Variants in ST6GAL1 observed in about 807,000 individuals in gnomAD.
ST6GAL1 encodes beta-galactoside alpha-2,6-sialyltransferase 1.
ST6GAL1 carries 20 observed loss-of-function variants against 38.0 expected under a neutral mutation model. The observed-to-expected ratio is 0.53, with a 90% CI of 0.37 to 0.77. ST6GAL1 has a LOEUF of 0.77. ST6GAL1 is among the 30% of genes least tolerant of loss of function. The probability of loss-of-function intolerance (pLI) is 0.00; values close to 1 mark genes in which losing one functional copy is unlikely to be tolerated. For missense variants in ST6GAL1, 432 were observed against 496.4 expected (o/e 0.87, Z 1.23); for synonymous variants, 196 against 188.2 (o/e 1.04, Z -0.34).
intron 2 of ST6GAL1, among the ~76,000 whole-genome samples, chr3:187,015,589 G>A (rs1354998294): frequency 1.3e-5 from 2 of 152,202 alleles, no homozygotes; most frequent in African/African-American, 4.8e-5. Context: ...TGTAATCCCA[G>A]CACTTTGGGA....
intron 2 of ST6GAL1, among the ~76,000 whole-genome samples, chr3:186,964,889 T>G (rs1715053873): frequency 6.6e-6 from 1 of 152,176 alleles, no homozygotes; most frequent in African/African-American, 2.4e-5. Flanking sequence ...TCCTCACCTG[T>G]GAACGGTAGG....
intron 5 of ST6GAL1, among the ~76,000 whole-genome samples, chr3:187,066,796 C>T (rs1014809906): frequency 1.3e-5 from 2 of 152,146 alleles, no homozygotes; most frequent in African/African-American, 4.8e-5. Flanking sequence ...GACTTATTCT[C>T]AGCATGAACT....
intron 2 of ST6GAL1, among the ~76,000 whole-genome samples, chr3:186,984,449 C>T (rs1209426813): frequency 6.6e-6 from 1 of 152,144 alleles, no homozygotes; most frequent in East Asian, 1.9e-4. Flanking sequence ...GACTCCTCCA[C>T]CTCCCCGACA....
At chr3:187,027,690 T>C (rs897816518) in intron 2 of ST6GAL1, among the ~76,000 whole-genome samples, 1 of 152,112 alleles carries the variant, frequency 6.6e-6, no homozygotes, top group East Asian at 1.9e-4. Context: ...CCGGACTCAG[T>C]GCACTTCAAC....
chr3:187,021,594 G>A (rs953600552), intron 2 of ST6GAL1, among the ~76,000 whole-genome samples: 2 of 151,932 alleles, frequency 1.3e-5, no homozygotes, highest in Admixed American at 1.3e-4. Flanking sequence ...AGAAAAATTA[G>A]CCGGGTGTGA....
At chr3:187,065,125 A>G (rs1719057789) in intron 5 of ST6GAL1, among the ~76,000 whole-genome samples, 1 of 151,856 alleles carries the variant, frequency 6.6e-6, no homozygotes. Flanking sequence ...CGGTCTCCCA[A>G]GTAGCTGAGA....
rs16861562 is a variant in ST6GAL1 at position 187,066,128 on chromosome 3, C to T, written c.706-6721C>T. Among the ~76,000 whole-genome samples, 819 of 152,236 alleles carry T rather than the reference C, an allele frequency of 5.4e-3. 9 individuals carry two copies. In the East Asian group the frequency reaches 0.058, roughly 11 times the overall value. On this transcript the variant is annotated intron_variant, in intron 5 of 7. Coordinates refer to ENST00000169298, the MANE Select transcript of ST6GAL1 (RefSeq NM_173216.2). Reference sequence around the variant, plus strand: ...CCATCAACAACGGGTCTAAAACCAGCGATGGTGAGCTGGGTGATTTTGATG... The same window carrying T: ...CCATCAACAACGGGTCTAAAACCAGTGATGGTGAGCTGGGTGATTTTGATG...
intron 2 of ST6GAL1, among the ~76,000 whole-genome samples, chr3:187,035,279 C>T (rs974942952): frequency 3.3e-5 from 5 of 152,200 alleles, no homozygotes; most frequent in African/African-American, 7.2e-5. Flanking sequence ...AAAAACATTT[C>T]GTGTTCATGG....
intron 5 of ST6GAL1, among the ~76,000 whole-genome samples, chr3:187,065,953 A>G (rs1719097752): frequency 6.6e-6 from 1 of 152,316 alleles, no homozygotes; most frequent in African/African-American, 2.4e-5. Context: ...CCCAGAAAGT[A>G]AGCGACAGAG....
intron 2 of ST6GAL1, among the ~76,000 whole-genome samples, chr3:187,033,231 T>C (rs1313413703): frequency 1.3e-5 from 2 of 152,152 alleles, no homozygotes; most frequent in African/African-American, 4.8e-5. Flanking sequence ...CTGGCCAACA[T>C]GGTGAAACCC....
chr3:187,049,412 C>G (rs1212900690), intron 4 of ST6GAL1, among the ~76,000 whole-genome samples: 1 of 152,204 alleles, frequency 6.6e-6, no homozygotes, highest in Non-Finnish European at 1.5e-5. Context: ...TGGTCCTGCT[C>G]TGTCCCTTTT....
rs542034658 is a variant in ST6GAL1 at position 186,956,069 on chromosome 3, C to T, written c.-324-7716C>T. On this transcript the variant is annotated intron_variant, in intron 1 of 7. Coordinates refer to ENST00000169298, the MANE Select transcript of ST6GAL1 (RefSeq NM_173216.2). The stretch of plus-strand genomic sequence containing the variant: ...ACTCAAACCTGCCAAGTGACTGTGT[C>T]GTTAGATCGTCTCTCTGTGGAGCCT... Among the ~76,000 whole-genome samples the T allele has an allele frequency of 6.3e-4, 96 of 152,144 alleles. 1 individual carries two copies. In the South Asian group the frequency reaches 0.018, roughly 29 times the overall value.
intron 5 of ST6GAL1, among the ~76,000 whole-genome samples, chr3:187,067,697 G>A (rs1719216706): frequency 6.6e-6 from 1 of 152,126 alleles, no homozygotes; most frequent in African/African-American, 2.4e-5. Context: ...CCCTCATGGT[G>A]TGCTTGCTTA....
intron 3 of ST6GAL1, among the ~76,000 whole-genome samples, chr3:187,040,241 A>T: frequency 6.6e-6 from 1 of 152,228 alleles, no homozygotes; most frequent in East Asian, 1.9e-4. Flanking sequence ...GTAAAACCTT[A>T]CCAATACGGA....
chr3:187,063,889 T>A (rs945724366), intron 5 of ST6GAL1, among the ~76,000 whole-genome samples: 1 of 152,164 alleles, frequency 6.6e-6, no homozygotes, highest in African/African-American at 2.4e-5. Flanking sequence ...AACACAGAAA[T>A]ATGAATAGTT....
chr3:187,075,650 C>T lies in ST6GAL1; in HGVS notation c.1068C>T (p.Tyr356=). The change falls in exon 8 of 8, where the codon TAC becomes TAT. Residue 356 remains tyrosine, a synonymous_variant. Coordinates refer to ENST00000169298, the MANE Select transcript of ST6GAL1 (RefSeq NM_173216.2). This position sits in a 1 kb window ranked among gnomAD's most constrained non-coding sequence, Gnocchi z 4.1. The part of the protein sequence containing the change: ...SKRKTDVCYY[Y]QKFFDSACTM... Reference sequence around the variant, plus strand: ...GCAAGACTGACGTGTGCTACTACTACCAGAAGTTCTTCGATAGTGCCTGCA... The same window carrying T: ...GCAAGACTGACGTGTGCTACTACTATCAGAAGTTCTTCGATAGTGCCTGCA... The T allele has an allele frequency of 6.2e-7, 1 of 1,614,186 alleles. No homozygotes were observed. The highest frequency in any genetic ancestry group is 8.5e-7 in the Non-Finnish European group (1 of 1,180,024).
chr3:186,937,140 G>A (rs1713989841), intron 1 of ST6GAL1, among the ~76,000 whole-genome samples: 1 of 151,884 alleles, frequency 6.6e-6, no homozygotes, highest in Admixed American at 6.6e-5. Context: ...TGTATGTGCA[G>A]TTATGTCTCT....
chr3:187,075,720 A>G lies in ST6GAL1; in HGVS notation c.1138A>G (p.Lys380Glu). ...GCTGCTCTATGAGAAGAATTTGGTG[A>G]AGCATCTCAACCAGGGCACAGATGA... Reference protein sequence around the residue: ...HPLLYEKNLVKHLNQGTDEDI... With the variant: ...HPLLYEKNLVEHLNQGTDEDI... The change falls in exon 8 of 8, where the codon AAG (lysine) becomes GAG (glutamate). Residue 380 changes from lysine to glutamate, a missense_variant. Lys to Glu is a moderately conservative substitution (Grantham distance 56). Transcript: ENST00000169298. The surrounding 1 kb of genome is among the most constrained non-coding windows in gnomAD (Gnocchi z 4.1). The G allele has an allele frequency of 6.2e-7, 1 of 1,614,230 alleles. No homozygotes were observed. The highest frequency in any genetic ancestry group is 8.5e-7 in the Non-Finnish European group (1 of 1,180,034).
intron 2 of ST6GAL1, among the ~76,000 whole-genome samples, chr3:186,969,051 C>CTTTTT (rs34520153): frequency 6.7e-5 from 6 of 89,208 alleles, no homozygotes; most frequent in Non-Finnish European, 9.4e-5. Context: ...TTCTCTTTTT[C>CTTTTT]TTTTTTTTTT....
Sources: allele counts gnomAD v4.1 joint callset (sites outside exome capture counted in the v4.1 genomes callset), GRCh38; gene constraint gnomAD v4.1.1; non-coding constraint Gnocchi (gnomAD v3.1); transcripts MANE v1.5; gene names NCBI Gene and HGNC (gene_info 2026-07-23, HGNC 2026-07-21).